Variants in C1GALT1 observed in about 807,000 individuals in gnomAD.
C1GALT1 encodes core 1 synthase, glycoprotein-N-acetylgalactosamine 3-beta-galactosyltransferase 1.
A neutral mutation model predicts 31.0 loss-of-function variants in C1GALT1; 11 were observed. The ratio of observed to expected loss-of-function variants is 0.36; its 90% confidence interval spans 0.22 to 0.59. The LOEUF is 0.59. Among genes scored for constraint, C1GALT1 ranks in the 20% least tolerant of loss-of-function variants. The pLI is 0.79. For missense variants in C1GALT1, 424 were observed against 425.2 expected (o/e 1.00, Z 0.03); for synonymous variants, 175 against 143.6 (o/e 1.22, Z -1.56).
intron 1 of C1GALT1, among the ~76,000 whole-genome samples, chr7:7,221,021 C>T (rs549935337): frequency 6.6e-6 from 1 of 152,122 alleles, no homozygotes; most frequent in Non-Finnish European, 1.5e-5. Context: ...CTTTGACCCA[C>T]GCGTCCTGAG....
intron 1 of C1GALT1, among the ~76,000 whole-genome samples, chr7:7,213,989 C>T (rs1254545525): frequency 6.6e-6 from 1 of 152,218 alleles, no homozygotes; most frequent in Non-Finnish European, 1.5e-5. Flanking sequence ...TGATGGGAGG[C>T]TCATCTCCCA....
intron 1 of C1GALT1, among the ~76,000 whole-genome samples, chr7:7,223,929 A>T (rs1782629835): frequency 6.6e-6 from 1 of 152,150 alleles, no homozygotes. Flanking sequence ...TATCAAGTTA[A>T]GGAAATTCCT....
rs1364772502 is a variant in C1GALT1, at chr7:7,173,627, G to A, written c.-18+16201G>A. Reference sequence around the variant, plus strand: ...AACAAAATAGTACAGACTGGACTGGGCACAATGGCTCATGCCTGTAATCCC... The same window carrying A: ...AACAAAATAGTACAGACTGGACTGGACACAATGGCTCATGCCTGTAATCCC... On this transcript the variant is annotated intron_variant, in intron 2 of 3. Transcript: ENST00000429911. Among the ~76,000 whole-genome samples, 3 of 152,178 alleles carry A rather than the reference G, an allele frequency of 2.0e-5. No individual in the cohort carries two copies. The East Asian group carries it at 5.8e-4, about 29-fold the overall frequency.
intron 1 of C1GALT1, among the ~76,000 whole-genome samples, chr7:7,192,957 T>G (rs1018586857): frequency 1.1e-4 from 17 of 152,208 alleles, no homozygotes; most frequent in Non-Finnish European, 2.1e-4. Flanking sequence ...TATCTTCTTT[T>G]GGGAATTGTC....
At chr7:7,197,330 T>C (rs1781335985) in intron 1 of C1GALT1, among the ~76,000 whole-genome samples, 1 of 152,230 alleles carries the variant, frequency 6.6e-6, no homozygotes, top group South Asian at 2.1e-4. Context: ...TTTGTCGGGT[T>C]TGTCAAAGAT....
intron 2 of C1GALT1, among the ~76,000 whole-genome samples, chr7:7,168,601 G>C (rs12530890): frequency 6.6e-6 from 1 of 151,938 alleles, no homozygotes; most frequent in African/African-American, 2.4e-5. Context: ...TACCATTTTC[G>C]TGGTTACAAA....
chr7:7,186,091 A>G (rs1012944955), intron 1 of C1GALT1, among the ~76,000 whole-genome samples: 3 of 152,166 alleles, frequency 2.0e-5, no homozygotes, highest in African/African-American at 7.2e-5. Context: ...CAGAGTCCTG[A>G]GGATAGCACA....
rs540004987 is a variant in C1GALT1 at position 7,198,944 on chromosome 7, G to C, written c.-18+16124G>C. Among the ~76,000 whole-genome samples, 4 of 152,000 alleles carry C rather than the reference G, an allele frequency of 2.6e-5. No individual in the cohort carries two copies. In the East Asian group the frequency reaches 7.7e-4, roughly 29 times the overall value. ...CTCTCTTTTCTTCTCTATTAGTCTT[G>C]CTAGCGGTCTATCCATTTTGTTGAT... On this transcript the variant is annotated intron_variant, in intron 1 of 3. Coordinates refer to ENST00000436587, the MANE Select transcript of C1GALT1 (RefSeq NM_020156.5).
rs1173068428 is a variant in C1GALT1, at chr7:7,246,556, CTG to C, written c.*2831_*2832del. The C allele has an allele frequency of 6.6e-6, 1 of 152,086 alleles. No individual in the cohort carries two copies. Among genetic ancestry groups the C allele is most frequent in the Non-Finnish European group, 1.5e-5 (1 of 68,036 alleles). The allele number at this position is 152,086 out of a possible 1,614,324, so 9.4% of individuals were successfully genotyped here. ...TCTTACCAGATACCTTGGGCAGTGA[CTG>C]TCAAAAGTCTGGTCCCAACAAACAG... On this transcript the variant is annotated 3_prime_UTR_variant, in exon 4 of 4. Transcript: ENST00000436587.
chr7:7,218,912 C>G (rs1388933544), intron 1 of C1GALT1, among the ~76,000 whole-genome samples: 3 of 151,438 alleles, frequency 2.0e-5, no homozygotes, highest in Non-Finnish European at 4.4e-5. Context: ...CGGCTCACTG[C>G]AAGCTCCGCC....
chr7:7,192,998 G>C (rs770806954), intron 1 of C1GALT1, among the ~76,000 whole-genome samples: 1 of 151,898 alleles, frequency 6.6e-6, no homozygotes, highest in Non-Finnish European at 1.5e-5. Context: ...TTTTTGATGG[G>C]ATTGTTTGTT....
At chr7:7,229,953 G>A (rs1782987894) in intron 1 of C1GALT1, among the ~76,000 whole-genome samples, 1 of 152,124 alleles carries the variant, frequency 6.6e-6, no homozygotes, top group African/African-American at 2.4e-5. Flanking sequence ...TAGAGCAAAA[G>A]GTGTAAACAT....
intron 1 of C1GALT1, among the ~76,000 whole-genome samples, chr7:7,221,683 C>T (rs1782516114): frequency 6.6e-6 from 1 of 152,192 alleles, no homozygotes; most frequent in African/African-American, 2.4e-5. Flanking sequence ...TAATGCAAAT[C>T]CAAACAAAGT....
chr7:7,222,552 C>T (rs991648664), intron 1 of C1GALT1, among the ~76,000 whole-genome samples: 3 of 151,810 alleles, frequency 2.0e-5, no homozygotes, highest in African/African-American at 7.3e-5. Context: ...TTCATTTTTT[C>T]TGTGAACATG....
intron 1 of C1GALT1, among the ~76,000 whole-genome samples, chr7:7,206,631 G>A (rs529250833): frequency 5.3e-5 from 8 of 150,098 alleles, no homozygotes; most frequent in Admixed American, 2.7e-4. Context: ...AGCCACGATC[G>A]CGCCATTGCA....
chr7:7,183,605 C>G, intron 1 of C1GALT1: 1 of 984,158 alleles, frequency 1.0e-6, no homozygotes, highest in Non-Finnish European at 1.2e-6. Flanking sequence ...GTAAGTCGTA[C>G]ACTCTTAAAA....
intron 2 of C1GALT1, among the ~76,000 whole-genome samples, chr7:7,171,890 T>C (rs1423619479): frequency 2.0e-5 from 3 of 152,182 alleles, no homozygotes; most frequent in African/African-American, 7.2e-5. Flanking sequence ...TCCCCCTTTA[T>C]ATTGTTAATG....
intron 1 of C1GALT1, among the ~76,000 whole-genome samples, chr7:7,200,508 C>T (rs539722951): frequency 3.9e-4 from 59 of 152,210 alleles, no homozygotes; most frequent in African/African-American, 1.2e-3. Flanking sequence ...ATCTTTGTGG[C>T]ATTCTCTGTA....
rs576008638 is a variant in C1GALT1 at position 7,176,168 on chromosome 7, A to C, written c.-18+18742A>C. On this transcript the variant is annotated intron_variant, in intron 2 of 3. Coordinates refer to the C1GALT1 transcript ENST00000429911. ...CCAAGTTCTGTGAGCCATTTCAGCAAAATGGGAATTTGTGGAAAAAGGTCG... is the reference window on the plus strand; with the variant it reads ...CCAAGTTCTGTGAGCCATTTCAGCACAATGGGAATTTGTGGAAAAAGGTCG... Among the ~76,000 whole-genome samples the C allele has an allele frequency of 2.6e-5, 4 of 152,348 alleles. No individual in the cohort carries two copies. In the South Asian group the frequency reaches 8.3e-4, roughly 32 times the overall value.
Sources: allele counts gnomAD v4.1 joint callset (sites outside exome capture counted in the v4.1 genomes callset), GRCh38; gene constraint gnomAD v4.1.1; transcripts MANE v1.5; gene names NCBI Gene and HGNC (gene_info 2026-07-23, HGNC 2026-07-21).